The following DYRK1A variants were observed in gnomAD, a reference collection of about 807,000 sequenced individuals.
DYRK1A encodes the protein dual specificity tyrosine phosphorylation regulated kinase 1A.
In DYRK1A, 9 loss-of-function variants were observed where a neutral mutation model predicts 79.7. That is an observed-to-expected ratio of 0.11 (90% CI 0.07 to 0.20). The LOEUF is 0.20. Ranked by LOEUF, DYRK1A falls within the 10% of genes least tolerant of loss-of-function variation. DYRK1A has a pLI of 1.00. For synonymous variants in DYRK1A, 349 were observed against 329.7 expected, an observed-to-expected ratio of 1.06 and a Z score of -0.63; for missense variants, 622 against 956.0, an observed-to-expected ratio of 0.65 and a Z score of 4.61.
rs966457572 is a variant in DYRK1A, at chr21:37,367,249, A to G, written c.-456A>G. Reference sequence around the variant, plus strand: ...GGCGCTTCTCGCTGCGCAGGTTCGGAGCGCGCGCCATTTTGTGAGATTTAC... The same window carrying G: ...GGCGCTTCTCGCTGCGCAGGTTCGGGGCGCGCGCCATTTTGTGAGATTTAC... On this transcript the variant is annotated 5_prime_UTR_variant, in exon 1 of 12. Transcript: ENST00000647188. The G allele has an allele frequency of 6.6e-6, 1 of 150,996 alleles. No individual in the cohort carries two copies. Among genetic ancestry groups the G allele is most frequent in the Non-Finnish European group, 1.5e-5 (1 of 67,648 alleles). 9.4% of individuals were successfully genotyped at this position (150,996 alleles called of 1,614,324 possible).
chr21:37,391,662 A>T (rs2049872675), intron 1 of DYRK1A, among the ~76,000 whole-genome samples: 2 of 152,172 alleles, frequency 1.3e-5, no homozygotes, highest in Non-Finnish European at 2.9e-5. Context: ...ATCTTCCACG[A>T]TTCTCCTTTG....
rs1370098414 is a variant in DYRK1A at position 37,523,467 on chromosome 21, G to T, written c.*10936G>T. 1 of 152,198 alleles carries T rather than the reference G, an allele frequency of 6.6e-6. No individual in the cohort carries two copies. The highest frequency in any genetic ancestry group is 6.5e-5 in the Admixed American group (1 of 15,276). The allele number at this position is 152,198 out of a possible 1,614,324, so 9.4% of individuals were successfully genotyped here. On this transcript the variant is annotated 3_prime_UTR_variant, in exon 12 of 12. Coordinates refer to ENST00000647188, the MANE Select transcript of DYRK1A (RefSeq NM_001347721.2). The stretch of plus-strand genomic sequence containing the variant: ...GTTGTAAATGGAAGAAAAAATAAGA[G>T]AGATTCATTATGTTCTAATGACTAT...
At chr21:37,438,757 T>G (rs2050999971) in intron 2 of DYRK1A, among the ~76,000 whole-genome samples, 1 of 152,222 alleles carries the variant, frequency 6.6e-6, no homozygotes, top group Non-Finnish European at 1.5e-5. Flanking sequence ...TCAGGTAGTC[T>G]TAATTCTACA....
chr21:37,450,790 AAAAT>A (rs911487538), intron 2 of DYRK1A, among the ~76,000 whole-genome samples: 4 of 152,144 alleles, frequency 2.6e-5, no homozygotes, highest in African/African-American at 9.7e-5. Flanking sequence ...TGAGAATACA[AAAAT>A]AAATAAGACC....
chr21:37,376,838 C>G (rs1214506888), intron 1 of DYRK1A, among the ~76,000 whole-genome samples: 1 of 152,060 alleles, frequency 6.6e-6, no homozygotes, highest in Non-Finnish European at 1.5e-5. Context: ...AAAAAACAAG[C>G]TCTGTGGAAT....
At chr21:37,508,426 T>G (rs2053657705) in intron 11 of DYRK1A, among the ~76,000 whole-genome samples, 1 of 152,198 alleles carries the variant, frequency 6.6e-6, no homozygotes, top group Non-Finnish European at 1.5e-5. Flanking sequence ...TAGCTGGGAT[T>G]ACAGACGCAC....
chr21:37,376,452 T>C (rs1257310796), intron 1 of DYRK1A, among the ~76,000 whole-genome samples: 3 of 152,154 alleles, frequency 2.0e-5, no homozygotes. Flanking sequence ...GACGTTGCAG[T>C]GGGCTGAGAT....
rs1373959999 is a variant in DYRK1A, at chr21:37,515,394, ATTGATTT to A, written c.*2866_*2872del. The A allele has an allele frequency of 9.8e-5, 15 of 152,528 alleles. No individual in the cohort carries two copies. Among genetic ancestry groups the A allele is most frequent in the Admixed American group, 9.8e-4 (15 of 15,276 alleles). 9.4% of individuals were successfully genotyped at this position (152,528 alleles called of 1,614,324 possible). ...TTAACAGATCATTTTGATTTTTCACATTGATTTTTTTATTTGAATGTTTACATAATTT... is the reference window on the plus strand; with the variant it reads ...TTAACAGATCATTTTGATTTTTCACATTTTATTTGAATGTTTACATAATTT... On this transcript the variant is annotated 3_prime_UTR_variant, in exon 12 of 12. Transcript: ENST00000647188.
chr21:37,479,619 GTTTTTTT>G (rs565080496), intron 4 of DYRK1A, among the ~76,000 whole-genome samples: 2 of 73,898 alleles, frequency 2.7e-5, no homozygotes, highest in African/African-American at 1.0e-4. Flanking sequence ...TTTGTTTTTT[GTTTTTTT>G]TTTTTTTTTT....
At chr21:37,483,908 TC>T (rs913038839) in intron 5 of DYRK1A, among the ~76,000 whole-genome samples, 6 of 152,040 alleles carry the variant, frequency 3.9e-5, no homozygotes, top group African/African-American at 1.4e-4. Context: ...ATTAAGGTCT[TC>T]CTGTTAGTCA....
At chr21:37,475,808 A>C (rs893556221) in intron 3 of DYRK1A, among the ~76,000 whole-genome samples, 2 of 151,896 alleles carry the variant, frequency 1.3e-5, no homozygotes, top group Non-Finnish European at 2.9e-5. Flanking sequence ...TTTTTTTTTG[A>C]TTATATGTGA....
In DYRK1A at chr21:37,523,711, A is replaced by G. The variant is rs2053950255; in HGVS notation, c.*11180A>G. On this transcript the variant is annotated 3_prime_UTR_variant, in exon 12 of 12. Transcript: ENST00000647188. Reference sequence around the variant, plus strand: ...AAACTAAGGGTGATTTTCACATTTTACATGGCTGAAAAACATCAAATGATA... The same window carrying G: ...AAACTAAGGGTGATTTTCACATTTTGCATGGCTGAAAAACATCAAATGATA... The G allele has an allele frequency of 6.6e-6, 1 of 152,210 alleles. No individual in the cohort carries two copies. The highest frequency in any genetic ancestry group is 1.5e-5 in the Non-Finnish European group (1 of 68,036). 9.4% of individuals were successfully genotyped at this position (152,210 alleles called of 1,614,324 possible).
chr21:37,509,057 T>A (rs985241275), intron 11 of DYRK1A, among the ~76,000 whole-genome samples: 1 of 152,208 alleles, frequency 6.6e-6, no homozygotes. Context: ...AATTTTTGAG[T>A]GGTTGATATA....
At chr21:37,374,127 T>C (rs2049488883) in intron 1 of DYRK1A, among the ~76,000 whole-genome samples, 1 of 152,088 alleles carries the variant, frequency 6.6e-6, no homozygotes, top group Admixed American at 6.6e-5. Context: ...ACATGGTTCT[T>C]GATTGCTGTG....
intron 1 of DYRK1A, among the ~76,000 whole-genome samples, chr21:37,372,060 G>T (rs2049442111): frequency 1.3e-5 from 2 of 151,958 alleles, no homozygotes; most frequent in African/African-American, 4.8e-5. Flanking sequence ...TTTCTCTTCT[G>T]GGTTTTTCAC....
chr21:37,373,609 A>G (rs1451896035), intron 1 of DYRK1A, among the ~76,000 whole-genome samples: 1 of 152,312 alleles, frequency 6.6e-6, no homozygotes, highest in East Asian at 1.9e-4. Context: ...CATTTTCTTC[A>G]TAGTACAAGG....
rs929830377 is a variant in DYRK1A, at chr21:37,521,736, C to T, written c.*9205C>T. On this transcript the variant is annotated 3_prime_UTR_variant, in exon 12 of 12. Coordinates refer to ENST00000647188, the MANE Select transcript of DYRK1A (RefSeq NM_001347721.2). Reference sequence around the variant, plus strand: ...ATCTAGGAGAAGACAACAGGCCATTCGAAGGTGAGGAGGCTTGCCAGCATC... The same window carrying T: ...ATCTAGGAGAAGACAACAGGCCATTTGAAGGTGAGGAGGCTTGCCAGCATC... 1.3e-5 allele frequency: 2 copies of T among 152,128 alleles called. No individual in the cohort carries two copies. The highest frequency in any genetic ancestry group is 2.9e-5 in the Non-Finnish European group (2 of 68,060). 9.4% of individuals were successfully genotyped at this position (152,128 alleles called of 1,614,324 possible).
At position 37,369,798 on chromosome 21, in the gene DYRK1A, T is replaced by G. The variant is rs141863889; in HGVS notation, c.-77+2170T>G. 3.1e-3 allele frequency among the ~76,000 whole-genome samples: 479 copies of G among 152,364 alleles called. 3 individuals carry two copies. Among genetic ancestry groups the G allele is most frequent in the East Asian group, 0.017 (86 of 5,190 alleles). ...TAAATGACCTAGTGAGATCTTTGTT[T>G]TGAGATCTAAGTATAAGATCATCTC... On this transcript the variant is annotated intron_variant, in intron 1 of 11. Transcript: ENST00000647188.
chr21:37,441,055 CTGTG>C (rs1242153906), intron 2 of DYRK1A, among the ~76,000 whole-genome samples: 1 of 151,586 alleles, frequency 6.6e-6, no homozygotes, highest in East Asian at 1.9e-4. Context: ...TTTTTTTGGT[CTGTG>C]TGTTTTAAAG....
Sources: allele counts gnomAD v4.1 joint callset (sites outside exome capture counted in the v4.1 genomes callset), GRCh38; gene constraint gnomAD v4.1.1; transcripts MANE v1.5; gene names NCBI Gene and HGNC (gene_info 2026-07-23, HGNC 2026-07-21).